The following ALG5 variants were observed in gnomAD, a reference collection of about 807,000 sequenced individuals.
ALG5 encodes ALG5 dolichyl-phosphate beta-glucosyltransferase.
A neutral mutation model predicts 51.8 loss-of-function variants in ALG5; 26 were observed. The observed-to-expected ratio is 0.50, with a 90% confidence interval of 0.37 to 0.70. The LOEUF is 0.70. Ranked by LOEUF, ALG5 falls within the 30% of genes least tolerant of loss-of-function variation. The probability of loss-of-function intolerance (pLI) is 0.00; values close to 1 mark genes in which losing one functional copy is unlikely to be tolerated. For missense variants in ALG5, 311 were observed against 399.3 expected (o/e 0.78, Z 1.88); for synonymous variants, 141 against 136.1 (o/e 1.04, Z -0.25).
chr13:36,995,309 T>C (rs1388845753), intron 2 of ALG5, 116 bp downstream of exon 2: 18 of 1,087,290 alleles, frequency 1.7e-5, no homozygotes, highest in Non-Finnish European at 2.4e-5. Flanking sequence ...ATCAACTGTG[T>C]GCTCAACACA....
chr13:36,989,035 A>T (rs1261527805), intron 5 of ALG5, among the ~76,000 whole-genome samples: 1 of 152,096 alleles, frequency 6.6e-6, no homozygotes, highest in Non-Finnish European at 1.5e-5. Context: ...TCATAATTAT[A>T]ATCTTCTTTT....
At chr13:36,970,147 G>A (rs937324942) in intron 7 of ALG5, among the ~76,000 whole-genome samples, 10 of 151,384 alleles carry the variant, frequency 6.6e-5, no homozygotes, top group African/African-American at 2.2e-4. Context: ...CTTATCCCCC[G>A]TGCGTTGTTA....
intron 6 of ALG5, among the ~76,000 whole-genome samples, chr13:36,976,787 T>C (rs1469163950): frequency 6.6e-6 from 1 of 152,156 alleles, no homozygotes; most frequent in Non-Finnish European, 1.5e-5. Context: ...TGCCTACTAT[T>C]TAGTAGTAAA....
chr13:36,989,576 C>T lies in ALG5; in HGVS notation c.355G>A (p.Val119Ile), dbSNP rs2059016667. 1 of 1,595,536 alleles carries T rather than the reference C, an allele frequency of 6.3e-7. No individual in the cohort carries two copies. The highest frequency in any genetic ancestry group is 1.1e-5 in the South Asian group (1 of 90,076). ...TATTTCTGGCAATATTTAAAAGCTA[C>T]CTATGAAATTATATAAAAATCAGAA... is the stretch of plus-strand genomic sequence containing the variant. The part of the protein sequence containing the change: ...DDGSKDQTSK[V>I]AFKYCQKYGS... Residue 119 changes from valine (V) to isoleucine (I), a missense_variant and splice_region_variant, in exon 5 of 10, where the codon GTA (valine) becomes ATA (isoleucine). Val to Ile is a conservative substitution (Grantham distance 29). Transcript: ENST00000239891.
At position 36,995,119 on chromosome 13, in the gene ALG5, C is replaced by A. The variant is rs910804805; in HGVS notation, c.239-84G>T. On this transcript the variant is annotated intron_variant, in intron 2 of 9. Coordinates refer to ENST00000239891, the MANE Select transcript of ALG5 (RefSeq NM_013338.5). Reference sequence around the variant, plus strand: ...ATTCAGCTTACATACAGAAAAAAGTCCCAATAATCTAACAAGCCCCTCTGG... The same window carrying A: ...ATTCAGCTTACATACAGAAAAAAGTACCAATAATCTAACAAGCCCCTCTGG... 13 of 1,198,254 alleles carry A rather than the reference C, an allele frequency of 1.1e-5. No individual in the cohort carries two copies. The African/African-American group carries it at 1.8e-4, about 17-fold the overall frequency. 74.2% of individuals were successfully genotyped at this position (1,198,254 alleles called of 1,614,324 possible).
intron 8 of ALG5, among the ~76,000 whole-genome samples, chr13:36,964,213 TAGAAA>T (rs1430403248): frequency 6.6e-6 from 1 of 151,962 alleles, no homozygotes; most frequent in East Asian, 1.9e-4. Context: ...GGGGCGTGGT[TAGAAA>T]AGAAAAGAGT....
chr13:36,958,842 A>G (rs949886543), intron 8 of ALG5, among the ~76,000 whole-genome samples: 2 of 152,166 alleles, frequency 1.3e-5, no homozygotes, highest in African/African-American at 4.8e-5. Flanking sequence ...GTCAAATCAT[A>G]TATCGCCTGA....
chr13:36,990,875 T>G (rs532161150), intron 4 of ALG5, among the ~76,000 whole-genome samples: 75 of 152,308 alleles, frequency 4.9e-4, no homozygotes, highest in Admixed American at 7.8e-4. Flanking sequence ...CCTCACACCT[T>G]CCTGACCTAG....
At chr13:36,981,189 G>A (rs1037212807) in intron 6 of ALG5, among the ~76,000 whole-genome samples, 2 of 151,830 alleles carry the variant, frequency 1.3e-5, no homozygotes, top group African/African-American at 4.8e-5. Context: ...GTTACTCTAA[G>A]AGGAAATACA....
chr13:36,957,284 A>C (rs2058844217), intron 8 of ALG5, among the ~76,000 whole-genome samples: 1 of 151,550 alleles, frequency 6.6e-6, no homozygotes, highest in Admixed American at 6.6e-5. Context: ...GATTTTACCC[A>C]CATGCCCAAA....
chr13:36,970,527 G>A (rs1236301706), intron 7 of ALG5, among the ~76,000 whole-genome samples: 2 of 152,178 alleles, frequency 1.3e-5, no homozygotes, highest in Non-Finnish European at 2.9e-5. Flanking sequence ...TTGAATCCGG[G>A]AGGCAGAGGT....
chr13:36,985,022 A>G (rs1366074498), intron 6 of ALG5, among the ~76,000 whole-genome samples: 1 of 151,734 alleles, frequency 6.6e-6, no homozygotes, highest in Non-Finnish European at 1.5e-5. Flanking sequence ...ATATTGTTTG[A>G]TGTTGTCCAA....
At chr13:36,960,135 A>G (rs1385297590) in intron 8 of ALG5, among the ~76,000 whole-genome samples, 1 of 152,236 alleles carries the variant, frequency 6.6e-6, no homozygotes, top group Non-Finnish European at 1.5e-5. Context: ...TCAAATGTGA[A>G]TTATTTTCAC....
intron 8 of ALG5, among the ~76,000 whole-genome samples, chr13:36,963,469 G>T (rs1220014269): frequency 7.7e-6 from 1 of 130,322 alleles, no homozygotes; most frequent in African/African-American, 3.0e-5. Flanking sequence ...AAACCACAAA[G>T]AACCTGCATC....
chr13:36,979,082 T>C (rs2058967159), intron 6 of ALG5, among the ~76,000 whole-genome samples: 3 of 152,124 alleles, frequency 2.0e-5, no homozygotes, highest in African/African-American at 7.2e-5. Flanking sequence ...AGTGGCACGA[T>C]CTTGGCTCGC....
chr13:36,950,124 A>C (rs780965497), intron 9 of ALG5, 67 bp from the exon 10 acceptor site: 1 of 970,152 alleles, frequency 1.0e-6, no homozygotes, highest in Non-Finnish European at 1.6e-6. Flanking sequence ...TATCAGTTTA[A>C]AGTCAGTCTA....
chr13:36,999,138 G>T (rs140612477), intron 1 of ALG5, 97 bp downstream of exon 1: 1 of 1,193,492 alleles, frequency 8.4e-7, no homozygotes. Flanking sequence ...GGACTTCTCC[G>T]AGAACTGGTA....
rs533923535 is a variant in ALG5, at chr13:36,951,722, A to G, written c.859+792T>C. Among the ~76,000 whole-genome samples, 21 of 152,344 alleles carry G rather than the reference A, an allele frequency of 1.4e-4. 1 individual carries two copies. In the South Asian group the frequency reaches 3.9e-3, roughly 29 times the overall value. ...AGTTGGGATCTTTATACTTTTGGAT[A>G]TATGTACAGATATAGTTTTTAAATG... On this transcript the variant is annotated intron_variant, in intron 9 of 9. Transcript: ENST00000239891.
chr13:36,957,186 T>G (rs1354382338), intron 8 of ALG5, among the ~76,000 whole-genome samples: 1 of 151,602 alleles, frequency 6.6e-6, no homozygotes, highest in Non-Finnish European at 1.5e-5. Flanking sequence ...GCCTGTGAAG[T>G]GTGCCAAAGA....
Sources: gnomAD v4.1 joint callset for allele counts (sites outside exome capture counted in the v4.1 genomes callset) on GRCh38, gnomAD v4.1.1 for gene constraint, MANE v1.5 for transcripts, NCBI Gene and HGNC (gene_info 2026-07-23, HGNC 2026-07-21) for gene names.